ACVR1: variants seen among roughly 807,000 people sequenced by gnomAD.
ACVR1 encodes activin receptor type-1.
Under a neutral mutation model 57.1 loss-of-function variants are expected in ACVR1, and 38 were observed. That is an observed-to-expected ratio of 0.67 (90% CI 0.51 to 0.87). The LOEUF (loss-of-function observed/expected upper bound fraction) is 0.87. Ranked by LOEUF, ACVR1 falls within the 40% of genes least tolerant of loss-of-function variation. The pLI is 0.00. For synonymous variants in ACVR1, 212 were observed against 228.1 expected (o/e 0.93, Z 0.63); for missense variants, 463 against 638.2 (o/e 0.73, Z 2.96).
rs377709343 is a variant in ACVR1, at chr2:157,797,049, G to A, written c.67+2378C>T. Among the ~76,000 whole-genome samples, 11 of 152,348 alleles carry A rather than the reference G, an allele frequency of 7.2e-5. No individual in the cohort carries two copies. In the East Asian group the frequency reaches 2.1e-3, roughly 29 times the overall value. ...CTAATGTAATTTAAGTTTTATCACA[G>A]CAGTAGGAAAAAACAGGTGAAATTT... On this transcript the variant is annotated intron_variant, in intron 3 of 10. Coordinates refer to ENST00000434821, the MANE Select transcript of ACVR1 (RefSeq NM_001111067.4).
chr2:157,794,690 G>A lies in ACVR1; in HGVS notation c.67+4737C>T, dbSNP rs554639234. Among the ~76,000 whole-genome samples, 8 of 152,182 alleles carry A rather than the reference G, an allele frequency of 5.3e-5. No homozygotes were observed. The East Asian group carries it at 1.5e-3, about 29-fold the overall frequency. ...TATGAGGGCACTTGTGAGGATTATA[G>A]GAAATTATGCATGAAAGCTAGCCCA... On this transcript the variant is annotated intron_variant, in intron 3 of 10. Coordinates refer to ENST00000434821, the MANE Select transcript of ACVR1 (RefSeq NM_001111067.4).
intron 1 of ACVR1, among the ~76,000 whole-genome samples, chr2:157,847,635 A>G (rs1689166137): frequency 6.6e-6 from 1 of 152,210 alleles, no homozygotes; most frequent in African/African-American, 2.4e-5. Context: ...TGAGATATGC[A>G]AAGGTAAGCA....
chr2:157,804,254 G>A (rs1687436605), intron 2 of ACVR1, among the ~76,000 whole-genome samples: 1 of 152,180 alleles, frequency 6.6e-6, no homozygotes, highest in Non-Finnish European at 1.5e-5. Flanking sequence ...ATTTTAGACT[G>A]AGCACTTAGC....
At chr2:157,764,213 C>G (rs1574035279) in intron 8 of ACVR1, among the ~76,000 whole-genome samples, 1 of 151,990 alleles carries the variant, frequency 6.6e-6, no homozygotes, top group Admixed American at 6.6e-5. Flanking sequence ...GACGAAGTCT[C>G]GCTCTGTCGC....
In ACVR1 at chr2:157,738,442, G is replaced by A; in HGVS notation, c.1393C>T (p.Pro465Ser). ...AACTGAGAAACTGGCATTCTTACCG[G>A]GTCTGAGAACCATCTGTTGGGTATG... is the stretch of plus-strand genomic sequence containing the variant. ...PNIPNRWFSDPTLTSLAKLMK... is the reference protein window; with the variant it reads ...PNIPNRWFSDSTLTSLAKLMK... The change falls in exon 10 of 11, where the codon CCG becomes TCG. Residue 465 changes from proline to serine, a missense_variant and splice_region_variant. Pro to Ser is a moderately conservative substitution (Grantham distance 74, BLOSUM62 -1). Around this residue, in one of 3 missense-constraint regions of ACVR1, gnomAD observed 146 missense variants for 186.6 expected, o/e 0.78. Coordinates refer to ENST00000434821, the MANE Select transcript of ACVR1 (RefSeq NM_001111067.4). 6.8e-6 allele frequency: 11 copies of A among 1,614,028 alleles called. No homozygotes were observed. The highest frequency in any genetic ancestry group is 9.3e-6 in the Non-Finnish European group (11 of 1,179,936).
At chr2:157,758,105 C>T (rs540018703) in intron 9 of ACVR1, among the ~76,000 whole-genome samples, 1 of 152,058 alleles carries the variant, frequency 6.6e-6, no homozygotes, top group African/African-American at 2.4e-5. Flanking sequence ...CTTGTAAAGG[C>T]ACATATAGAC....
chr2:157,855,893 G>A (rs1336809150), intron 1 of ACVR1, among the ~76,000 whole-genome samples: 1 of 151,952 alleles, frequency 6.6e-6, no homozygotes, highest in Non-Finnish European at 1.5e-5. Context: ...TACATTTTCT[G>A]ATGACCAAAC....
intron 3 of ACVR1, among the ~76,000 whole-genome samples, chr2:157,791,350 G>C (rs1686904949): frequency 6.6e-6 from 1 of 152,132 alleles, no homozygotes; most frequent in Admixed American, 6.5e-5. Context: ...GAGTGCATGT[G>C]ATCAGCCCAG....
At chr2:157,759,010 G>C (rs530564695) in intron 9 of ACVR1, among the ~76,000 whole-genome samples, 1 of 151,944 alleles carries the variant, frequency 6.6e-6, no homozygotes, top group Non-Finnish European at 1.5e-5. Flanking sequence ...TAACAGGGAA[G>C]TCTGTAACAA....
At position 157,827,247 on chromosome 2, in the gene ACVR1, T is replaced by C. The variant is rs190400940; in HGVS notation, c.-182-8688A>G. 2.8e-3 allele frequency among the ~76,000 whole-genome samples: 419 copies of C among 152,332 alleles called. 2 individuals are homozygous for C. Among genetic ancestry groups the C allele is most frequent in the African/African-American group, 9.6e-3 (400 of 41,572 alleles). On this transcript the variant is annotated intron_variant, in intron 1 of 10. Coordinates refer to ENST00000434821, the MANE Select transcript of ACVR1 (RefSeq NM_001111067.4). Reference sequence around the variant, plus strand: ...ATTATTTTTTATTATTTGGTTCTATTTATTGTTTGCCCACCAGCATGTAGG... The same window carrying C: ...ATTATTTTTTATTATTTGGTTCTATCTATTGTTTGCCCACCAGCATGTAGG...
intron 1 of ACVR1, among the ~76,000 whole-genome samples, chr2:157,874,329 C>A (rs1690206720): frequency 6.6e-6 from 1 of 152,174 alleles, no homozygotes; most frequent in Admixed American, 6.5e-5. Context: ...GATCGAGGTC[C>A]CATCCAGGCA....
chr2:157,833,154 A>T (rs2105346600), intron 1 of ACVR1, among the ~76,000 whole-genome samples: 1 of 152,288 alleles, frequency 6.6e-6, no homozygotes, highest in African/African-American at 2.4e-5. Flanking sequence ...ATCCTTCCTC[A>T]GGTAGAGGTG....
chr2:157,754,143 C>A (rs751503037), intron 9 of ACVR1, among the ~76,000 whole-genome samples: 1 of 152,160 alleles, frequency 6.6e-6, no homozygotes, highest in Non-Finnish European at 1.5e-5. Context: ...CCTTAAAATG[C>A]ATACATCAAA....
chr2:157,863,145 T>C (rs1689784424), intron 1 of ACVR1, among the ~76,000 whole-genome samples: 2 of 146,300 alleles, frequency 1.4e-5, no homozygotes, highest in Non-Finnish European at 3.0e-5. Context: ...CCCAAGTAGC[T>C]GGGATTACAG....
intron 3 of ACVR1, among the ~76,000 whole-genome samples, chr2:157,786,574 G>A (rs888638263): frequency 2.0e-5 from 3 of 152,160 alleles, no homozygotes; most frequent in African/African-American, 7.2e-5. Flanking sequence ...TTGGGCTCAC[G>A]AATATAGAAG....
At chr2:157,866,367 G>A (rs1292739187) in intron 1 of ACVR1, among the ~76,000 whole-genome samples, 2 of 152,092 alleles carry the variant, frequency 1.3e-5, no homozygotes, top group East Asian at 1.9e-4. Context: ...TAGGAGAAGA[G>A]AGAGGAGCTG....
chr2:157,738,826 A>G (rs1320102920), intron 9 of ACVR1, among the ~76,000 whole-genome samples: 1 of 152,262 alleles, frequency 6.6e-6, no homozygotes, highest in East Asian at 1.9e-4. Context: ...TCATGTAATC[A>G]TAACTATTAG....
In ACVR1 at chr2:157,739,271, T is replaced by A. The variant is rs1684656994; in HGVS notation, c.1265-701A>T. Among the ~76,000 whole-genome samples the A allele has an allele frequency of 3.3e-5, 5 of 152,190 alleles. No homozygotes were observed. The South Asian group carries it at 1.0e-3, about 32-fold the overall frequency. On this transcript the variant is annotated intron_variant, in intron 9 of 10. Transcript: ENST00000434821. ...ATAAAATGTAAAGAGGATAGCCATG[T>A]GGGAAGGCAGAGGAAAAGAAGGATA...
intron 1 of ACVR1, among the ~76,000 whole-genome samples, chr2:157,865,075 CTT>C (rs1689865685): frequency 7.6e-6 from 1 of 131,216 alleles, no homozygotes; most frequent in Admixed American, 8.5e-5. Flanking sequence ...GCCCAGAGTT[CTT>C]TATAGACTCA....
Sources: allele counts gnomAD v4.1 joint callset (sites outside exome capture counted in the v4.1 genomes callset), GRCh38; gene constraint gnomAD v4.1.1; regional missense constraint gnomAD v4.1.1; transcripts MANE v1.5; gene names NCBI Gene and HGNC (gene_info 2026-07-23, HGNC 2026-07-21).